SPATA13: variants seen among roughly 807,000 people sequenced by gnomAD.
The protein encoded by SPATA13 is spermatogenesis-associated protein 13.
SPATA13 carries 50 observed loss-of-function variants against 104.0 expected under a neutral mutation model. The observed-to-expected ratio is 0.48, with a 90% CI of 0.38 to 0.61. SPATA13 has a LOEUF of 0.61. Ranked by LOEUF, SPATA13 falls within the 20% of genes least tolerant of loss-of-function variation. The pLI is 0.00. For missense variants in SPATA13, 1,524 were observed against 1,690.6 expected, an observed-to-expected ratio of 0.90 and a Z score of 1.73; for synonymous variants, 606 against 667.5, an observed-to-expected ratio of 0.91 and a Z score of 1.42.
rs188656326 is a variant in SPATA13, at chr13:24,026,117, G to A, written c.-112+8416G>A. ...GTTCATATATCTTGGCTACTACTTTGTTGGTTACATTGGTTGCAAATATAT... is the reference window on the plus strand; with the variant it reads ...GTTCATATATCTTGGCTACTACTTTATTGGTTACATTGGTTGCAAATATAT... On this transcript the variant is annotated intron_variant, in intron 3 of 14. Coordinates refer to the SPATA13 transcript ENST00000424834. Among the ~76,000 whole-genome samples the A allele has an allele frequency of 9.9e-5, 15 of 152,186 alleles. No individual in the cohort carries two copies. In the East Asian group the frequency reaches 2.9e-3, roughly 29 times the overall value.
chr13:24,122,398 T>C (rs1881060859), intron 3 of SPATA13: 1 of 1,581,504 alleles, frequency 6.3e-7, no homozygotes, highest in African/African-American at 1.3e-5. Flanking sequence ...GGAATAGCCT[T>C]CCAGAGCAGT....
At chr13:24,231,927 C>A (rs1423167889) in intron 2 of SPATA13, among the ~76,000 whole-genome samples, 20 of 152,206 alleles carry the variant, frequency 1.3e-4, no homozygotes, top group Non-Finnish European at 1.5e-5. Flanking sequence ...CGATTCAGAT[C>A]TTTTGCTCAT....
At chr13:24,285,848 T>G (rs757447680) in intron 5 of SPATA13, among the ~76,000 whole-genome samples, 12 of 151,956 alleles carry the variant, frequency 7.9e-5, no homozygotes, top group Non-Finnish European at 1.5e-4. Flanking sequence ...GCCTGGCTAA[T>G]TTTTGTATTT....
intron 1 of SPATA13, among the ~76,000 whole-genome samples, chr13:23,980,541 G>A (rs970398871): frequency 6.6e-6 from 1 of 152,212 alleles, no homozygotes; most frequent in Non-Finnish European, 1.5e-5. Context: ...TATTTGGATT[G>A]TGGTGTTATG....
chr13:24,072,871 A>G (rs988167140), intron 3 of SPATA13, among the ~76,000 whole-genome samples: 19 of 134,964 alleles, frequency 1.4e-4, no homozygotes, highest in African/African-American at 5.3e-4. Flanking sequence ...GTCTAAGTTG[A>G]ATCCTTGGTC....
In SPATA13 at chr13:24,153,051, A is replaced by T. The variant is rs557259045; in HGVS notation, c.-111-69768A>T. On this transcript the variant is annotated intron_variant, in intron 3 of 14. Transcript: ENST00000424834. The stretch of plus-strand genomic sequence containing the variant: ...TGTGTGTGAGAAAAATGTCTATGTT[A>T]CGTCTGTGCTCATGTCTACTTAGGA... Among the ~76,000 whole-genome samples the T allele has an allele frequency of 8.5e-4, 130 of 152,360 alleles. 1 individual carries two copies. Among genetic ancestry groups the T allele is most frequent in the South Asian group, 6.4e-3 (31 of 4,834 alleles).
At chr13:24,043,117 T>A (rs540221756) in intron 3 of SPATA13, among the ~76,000 whole-genome samples, 11 of 152,140 alleles carry the variant, frequency 7.2e-5, no homozygotes, top group Non-Finnish European at 1.2e-4. Context: ...TCCTTCAGCT[T>A]AGGTCACATA....
intron 3 of SPATA13, among the ~76,000 whole-genome samples, chr13:24,130,865 T>C (rs191710656): frequency 2.6e-4 from 39 of 152,302 alleles, no homozygotes; most frequent in African/African-American, 8.7e-4. Context: ...GCTTAACATA[T>C]GTAATGTAAG....
chr13:24,294,719 A>G lies in SPATA13; in HGVS notation c.3081-20A>G, dbSNP rs1381354146. ...GTAAGGTGCATGTTATGTGATTAAA[A>G]TTAACCTCCCATCTTGCAGTGATTA... On this transcript the variant is annotated intron_variant, in intron 9 of 12. Coordinates refer to ENST00000382108, the MANE Select transcript of SPATA13 (RefSeq NM_001166271.3). 2 of 1,571,066 alleles carry G rather than the reference A, an allele frequency of 1.3e-6. No homozygotes were observed. Among genetic ancestry groups the G allele is most frequent in the Non-Finnish European group, 1.7e-6 (2 of 1,145,802 alleles).
At chr13:24,198,616 A>G (rs946915051) in intron 1 of SPATA13, among the ~76,000 whole-genome samples, 6 of 152,198 alleles carry the variant, frequency 3.9e-5, no homozygotes, top group Non-Finnish European at 5.9e-5. Context: ...CAGTTTCTAG[A>G]TAAATGTTGA....
chr13:24,032,182 C>T (rs984586320), intron 3 of SPATA13, among the ~76,000 whole-genome samples: 4 of 152,154 alleles, frequency 2.6e-5, no homozygotes, highest in Non-Finnish European at 4.4e-5. Context: ...TCAGCTACAA[C>T]CCCACCTCAC....
chr13:24,244,121 G>A (rs1482801359), intron 2 of SPATA13, among the ~76,000 whole-genome samples: 1 of 152,162 alleles, frequency 6.6e-6, no homozygotes, highest in Non-Finnish European at 1.5e-5. Context: ...CCCTTGGCCT[G>A]TGGATGCATC....
chr13:24,179,913 TC>T (rs1362702528), intron 1 of SPATA13, among the ~76,000 whole-genome samples: 1 of 152,238 alleles, frequency 6.6e-6, no homozygotes, highest in Non-Finnish European at 1.5e-5. Context: ...GATAGCAGAC[TC>T]CTATCAGATA....
intron 3 of SPATA13, among the ~76,000 whole-genome samples, chr13:24,140,038 C>T (rs1376674250): frequency 6.8e-6 from 1 of 147,510 alleles, no homozygotes; most frequent in Non-Finnish European, 1.5e-5. Context: ...CACTGCACGC[C>T]AGCCTGGGTG....
At chr13:24,274,477 T>G (rs1874834949) in intron 4 of SPATA13, among the ~76,000 whole-genome samples, 1 of 152,224 alleles carries the variant, frequency 6.6e-6, no homozygotes, top group South Asian at 2.1e-4. Flanking sequence ...TGAAGGGGGA[T>G]GGACCCTGGA....
At chr13:23,992,812 T>C (rs965541830) in intron 2 of SPATA13, among the ~76,000 whole-genome samples, 5 of 152,200 alleles carry the variant, frequency 3.3e-5, no homozygotes, top group Non-Finnish European at 7.3e-5. Context: ...TCCACAATGC[T>C]GGGAAACACT....
intron 3 of SPATA13, among the ~76,000 whole-genome samples, chr13:24,031,699 G>T (rs959469335): frequency 1.3e-5 from 2 of 152,130 alleles, no homozygotes; most frequent in Non-Finnish European, 2.9e-5. Context: ...ACCTGCCCTT[G>T]GGGAATTTAT....
chr13:24,188,821 A>G (rs555709196), intron 1 of SPATA13, among the ~76,000 whole-genome samples: 11 of 152,300 alleles, frequency 7.2e-5, no homozygotes, highest in South Asian at 4.1e-4. Flanking sequence ...AAAGGACACA[A>G]TGATTCTCCG....
chr13:24,137,808 C>G (rs1881622641), intron 3 of SPATA13, among the ~76,000 whole-genome samples: 2 of 152,140 alleles, frequency 1.3e-5, no homozygotes, highest in African/African-American at 4.8e-5. Flanking sequence ...TCAAGAAGTA[C>G]TGTGCTCTTT....
Sources: allele counts gnomAD v4.1 joint callset (sites outside exome capture counted in the v4.1 genomes callset), GRCh38; gene constraint gnomAD v4.1.1; transcripts MANE v1.5; gene names NCBI Gene and HGNC (gene_info 2026-07-23, HGNC 2026-07-21).